PPFIA3: variants seen among roughly 807,000 people sequenced by gnomAD.
PPFIA3 encodes PPFI scaffold protein A3.
Under a neutral mutation model 145.8 loss-of-function variants are expected in PPFIA3, and 26 were observed. The observed-to-expected ratio is 0.18, with a 90% CI of 0.13 to 0.25. PPFIA3 has a LOEUF of 0.25. Ranked by LOEUF, PPFIA3 falls within the 10% of genes least tolerant of loss-of-function variation. The pLI is 1.00. For missense variants in PPFIA3, 1,008 were observed against 1,587.8 expected (o/e 0.63, Z 6.21); for synonymous variants, 645 against 661.4 (o/e 0.98, Z 0.38).
At chr19:49,122,538 C>A (rs1020880797) in intron 1 of PPFIA3, among the ~76,000 whole-genome samples, 1 of 152,176 alleles carries the variant, frequency 6.6e-6, no homozygotes, top group Non-Finnish European at 1.5e-5. Flanking sequence ...GTTCTAGATT[C>A]CATTCTCTTC....
Position 49,149,999 on chromosome 19 carries a change from G to T in PPFIA3, c.3527-81G>T. ...CCGGCGATCGTTGTGACATCGGGAA[G>T]GGAAGTCCAAAGGGAGGAATCCTGG... On this transcript the variant is annotated intron_variant, in intron 28 of 29. Transcript: ENST00000334186. This position sits in a 1 kb window ranked among gnomAD's most constrained non-coding sequence, Gnocchi z 5.7. The T allele has an allele frequency of 1.4e-6, 2 of 1,471,348 alleles. No individual in the cohort carries two copies. Among genetic ancestry groups the T allele is most frequent in the South Asian group, 1.2e-5 (1 of 81,758 alleles). 91.1% of individuals were successfully genotyped at this position (1,471,348 alleles called of 1,614,324 possible). A position where few individuals can be genotyped will look rare whatever the true frequency, so the allele number is the denominator to read the frequency against.
Position 49,133,820 on chromosome 19 carries a change from G to C in PPFIA3, c.1186G>C (p.Glu396Gln). Reference sequence around the variant, plus strand: ...GGCCGAGGAACGTCATGGGAATTTTGAGGAGCGGCTTCGGCAGCTGGAGGC... The same window carrying C: ...GGCCGAGGAACGTCATGGGAATTTTCAGGAGCGGCTTCGGCAGCTGGAGGC... The part of the protein sequence containing the change: ...NKAEERHGNF[E>Q]ERLRQLEAQL... The change falls in exon 10 of 30, where the codon GAG becomes CAG. Residue 396 changes from glutamate (E) to glutamine (Q), a missense_variant. Around this residue, in one of 11 missense-constraint regions of PPFIA3, gnomAD observed 109 missense variants for 198.1 expected, o/e 0.55. Transcript: ENST00000334186. This position sits in a 1 kb window ranked among gnomAD's most constrained non-coding sequence, Gnocchi z 7.2. 1.2e-6 allele frequency: 2 copies of C among 1,613,482 alleles called. No individual in the cohort carries two copies. Among genetic ancestry groups the C allele is most frequent in the Non-Finnish European group, 1.7e-6 (2 of 1,180,024 alleles).
At chr19:49,127,437 G>T (rs1475860045) in intron 1 of PPFIA3, among the ~76,000 whole-genome samples, 1 of 122,734 alleles carries the variant, frequency 8.1e-6, no homozygotes, top group Non-Finnish European at 1.8e-5. Flanking sequence ...GAAAAGAAAA[G>T]AAAAGAAAAA....
chr19:49,124,366 A>G (rs997971632), intron 1 of PPFIA3, among the ~76,000 whole-genome samples: 5 of 151,834 alleles, frequency 3.3e-5, no homozygotes, highest in African/African-American at 1.2e-4. Context: ...GCCCCCTGCT[A>G]TATTCTGTGT....
intron 1 of PPFIA3, among the ~76,000 whole-genome samples, chr19:49,126,436 G>A (rs886268331): frequency 6.6e-5 from 10 of 151,708 alleles, no homozygotes; most frequent in African/African-American, 2.4e-4. Flanking sequence ...ATTTTTAGTA[G>A]AGACGGGGGT....
At chr19:49,141,226 A>C (rs2122618064) in intron 18 of PPFIA3, among the ~76,000 whole-genome samples, 194 bp from the exon 19 acceptor site, 1 of 152,290 alleles carries the variant, frequency 6.6e-6, no homozygotes, top group South Asian at 2.1e-4. Flanking sequence ...AGGGCATCCC[A>C]GTGCATCCAG....
chr19:49,129,115 G>A, intron 4 of PPFIA3, 103 bp downstream of exon 4: 1 of 1,277,552 alleles, frequency 7.8e-7, no homozygotes, highest in South Asian at 1.5e-5. Context: ...GGGATGTTCT[G>A]AGTTGGAAGA....
intron 25 of PPFIA3, 54 bp from the exon 26 acceptor site, chr19:49,148,939 C>A: frequency 6.3e-7 from 1 of 1,599,550 alleles, no homozygotes; most frequent in Non-Finnish European, 8.5e-7. Context: ...ATGGGCTAAA[C>A]TGAACTCTCC....
Position 49,149,202 on chromosome 19 carries a change from G to C in PPFIA3, c.3285+34G>C. The C allele has an allele frequency of 4.3e-6, 7 of 1,613,804 alleles. No homozygotes were observed. Among genetic ancestry groups the C allele is most frequent in the Non-Finnish European group, 5.9e-6 (7 of 1,179,864 alleles). ...CCGCTGGGCCCGGAGCATGCTGGGC[G>C]TCCCCACCTCGCAGACTGCACGCTC... On this transcript the variant is annotated intron_variant, in intron 26 of 29. Transcript: ENST00000334186. The surrounding 1 kb of genome is among the most constrained non-coding windows in gnomAD (Gnocchi z 5.7).
At chr19:49,147,757 G>A (rs1488931991) in intron 23 of PPFIA3, among the ~76,000 whole-genome samples, 1 of 151,066 alleles carries the variant, frequency 6.6e-6, no homozygotes, top group African/African-American at 2.4e-5. Context: ...TGTATATTTC[G>A]AATCACCTGA....
intron 21 of PPFIA3, among the ~76,000 whole-genome samples, chr19:49,143,879 G>T (rs1054146151): frequency 1.4e-4 from 21 of 152,084 alleles, no homozygotes; most frequent in African/African-American, 5.1e-4. Flanking sequence ...AGTTTTTTTT[G>T]AATATTTGCA....
chr19:49,141,351 C>A, intron 18 of PPFIA3, 69 bp from the exon 19 acceptor site: 1 of 1,235,664 alleles, frequency 8.1e-7, no homozygotes, highest in South Asian at 1.3e-5. Flanking sequence ...TTTTCCTCAT[C>A]ACCTCCAGCA....
Position 49,128,066 on chromosome 19 carries a change from C to A in PPFIA3, c.193C>A (p.His65Asn). 6.3e-7 allele frequency: 1 copy of A among 1,593,090 alleles called. No homozygotes were observed. The highest frequency in any genetic ancestry group is 1.7e-4 in the Middle Eastern group (1 of 5,814). Residue 65 changes from histidine (H) to asparagine (N), a missense_variant, in exon 2 of 30, where the codon CAC becomes AAC. By Grantham distance (68) the His-to-Asn change is moderately conservative (BLOSUM62 1). Transcript: ENST00000334186. This position sits in a 1 kb window ranked among gnomAD's most constrained non-coding sequence, Gnocchi z 4.1. ...TAQLRLRELG[H>N]EKDSLQRQLS... ...GCAGCTGCGGCTGCGCGAGCTCGGC[C>A]ACGAGAAGGACTCGCTGCAGCGCCA... is the stretch of plus-strand genomic sequence containing the variant.
Position 49,133,160 on chromosome 19 carries a change from C to A in PPFIA3, c.1026+13C>A. Reference sequence around the variant, plus strand: ...GTTGTATCGGCAGGTGGGGGCGCGGCCGGGAGGGGCGATGGGGGCGGTGCC... The same window carrying A: ...GTTGTATCGGCAGGTGGGGGCGCGGACGGGAGGGGCGATGGGGGCGGTGCC... On this transcript the variant is annotated intron_variant, in intron 8 of 29. Coordinates refer to ENST00000334186, the MANE Select transcript of PPFIA3 (RefSeq NM_003660.4). The surrounding 1 kb of genome is among the most constrained non-coding windows in gnomAD (Gnocchi z 7.2). The A allele has an allele frequency of 2.5e-6, 4 of 1,587,372 alleles. No homozygotes were observed. The highest frequency in any genetic ancestry group is 3.4e-6 in the Non-Finnish European group (4 of 1,165,730).
chr19:49,141,205 C>T (rs533366733), intron 18 of PPFIA3, among the ~76,000 whole-genome samples: 11 of 152,260 alleles, frequency 7.2e-5, no homozygotes, highest in Middle Eastern at 3.4e-3. Context: ...CATACAACTG[C>T]CACCTTACCA....
At chr19:49,123,722 G>T (rs925060820) in intron 1 of PPFIA3, among the ~76,000 whole-genome samples, 9 of 152,040 alleles carry the variant, frequency 5.9e-5, no homozygotes, top group African/African-American at 2.2e-4. Flanking sequence ...GATTACAGGC[G>T]TGAACCACCG....
intron 21 of PPFIA3, among the ~76,000 whole-genome samples, chr19:49,143,801 G>A (rs7248236): frequency 0.65 from 98,244 of 151,924 alleles, 33,159 homozygotes; most frequent in African/African-American, 0.83. Flanking sequence ...GGAGTGGGGA[G>A]TACAGGTTGA....
In PPFIA3 at chr19:49,134,058, G is replaced by T. The variant is rs1384452162; in HGVS notation, c.1270G>T (p.Asp424Tyr). ...QRARQREKMN[D>Y]DHNKRLSETV... ...GGCCCGGCAGCGGGAGAAGATGAAC[G>T]ATGACCACAATAAGCGGCTGTCCGA... is the stretch of plus-strand genomic sequence containing the variant. Residue 424 changes from aspartate to tyrosine, a missense_variant, in exon 11 of 30, where the codon GAT becomes TAT. This residue lies in a region of PPFIA3 where 109 missense variants were observed against 198.1 expected (regional missense o/e 0.55). Coordinates refer to ENST00000334186, the MANE Select transcript of PPFIA3 (RefSeq NM_003660.4). 1 of 1,613,402 alleles carries T rather than the reference G, an allele frequency of 6.2e-7. No homozygotes were observed. Among genetic ancestry groups the T allele is most frequent in the Admixed American group, 1.7e-5 (1 of 59,786 alleles).
At chr19:49,150,212 C>T in intron 29 of PPFIA3, 24 bp from the exon 30 acceptor site, 2 of 1,408,886 alleles carry the variant, frequency 1.4e-6, no homozygotes, top group East Asian at 2.4e-5. Flanking sequence ...TTCACTGCTC[C>T]ACGCGCTGCC....
Sources: allele counts gnomAD v4.1 joint callset (sites outside exome capture counted in the v4.1 genomes callset), GRCh38; gene constraint gnomAD v4.1.1; regional missense constraint gnomAD v4.1.1; non-coding constraint Gnocchi (gnomAD v3.1); transcripts MANE v1.5; gene names NCBI Gene and HGNC (gene_info 2026-07-23, HGNC 2026-07-21).